KRABD5: variants seen among roughly 807,000 people sequenced by gnomAD.
The protein encoded by KRABD5 is KRAB domain containing 5, also known as KRAB domain-containing protein 5.
At chr16:31,724,741 A>T in the KRABD5 span, among the ~76,000 whole-genome samples, 2 of 152,130 alleles carry the variant, frequency 1.3e-5, no homozygotes, top group Non-Finnish European at 2.9e-5. Context: ...GCAAATCTCA[A>T]GTATATATGA....
chr16:31,724,891 A>G, the KRABD5 span, among the ~76,000 whole-genome samples: 1 of 152,084 alleles, frequency 6.6e-6, no homozygotes, highest in African/African-American at 2.4e-5. Flanking sequence ...CTTTACTTCT[A>G]TGAACTCACC....
At chr16:31,726,103 T>C in the KRABD5 span, among the ~76,000 whole-genome samples, 1 of 152,278 alleles carries the variant, frequency 6.6e-6, no homozygotes, top group Non-Finnish European at 1.5e-5. Context: ...CTAAAAGTTA[T>C]CCAGTTTCTG....
the KRABD5 span, among the ~76,000 whole-genome samples, chr16:31,724,162 T>C: frequency 6.6e-6 from 1 of 152,192 alleles, no homozygotes. Flanking sequence ...TGAAGCTTAA[T>C]GAGAATGTGT....
the KRABD5 span, chr16:31,757,840 AGGTAGGTAGG>A: frequency 7.0e-6 from 1 of 143,870 alleles, no homozygotes; most frequent in African/African-American, 2.7e-5. Context: ...GTAGGTAGGT[AGGTAGGTAGG>A]TAGATAGATA....
chr16:31,753,921 G>T, the KRABD5 span: 2 of 1,550,660 alleles, frequency 1.3e-6, no homozygotes, highest in Non-Finnish European at 1.7e-6. Context: ...AGGTCACAAT[G>T]GATATTATGA....
At chr16:31,748,265 A>T in the KRABD5 span, among the ~76,000 whole-genome samples, 21 of 152,122 alleles carry the variant, frequency 1.4e-4, no homozygotes, top group East Asian at 1.9e-4. Flanking sequence ...CCCCATTTCT[A>T]GTTTTTGTCA....
the KRABD5 span, chr16:31,757,850 G>GTAGGTAGA: frequency 3.9e-5 from 4 of 103,244 alleles, no homozygotes; most frequent in East Asian, 4.9e-4. Flanking sequence ...AGGTAGGTAG[G>GTAGGTAGA]TAGATAGATA....
At chr16:31,753,380 T>C in the KRABD5 span, among the ~76,000 whole-genome samples, 1 of 152,214 alleles carries the variant, frequency 6.6e-6, no homozygotes, top group Non-Finnish European at 1.5e-5. Flanking sequence ...AAGGAAGCAA[T>C]GGCCAGTCTT....
chr16:31,713,301 C>A, the KRABD5 span: 3 of 1,286,656 alleles, frequency 2.3e-6, no homozygotes, highest in Non-Finnish European at 3.3e-6. Flanking sequence ...TCACCAGGGG[C>A]TCCCAGTCCT....
the KRABD5 span, among the ~76,000 whole-genome samples, chr16:31,716,465 C>A: frequency 3.3e-5 from 5 of 152,016 alleles, no homozygotes; most frequent in Non-Finnish European, 7.4e-5. Context: ...TCTTGACGTC[C>A]CTGGGCTCAG....
chr16:31,722,508 T>C, the KRABD5 span: 1 of 1,111,830 alleles, frequency 9.0e-7, no homozygotes, highest in Non-Finnish European at 1.3e-6. Context: ...TATTGAATAT[T>C]TCAGGTCACT....
the KRABD5 span, among the ~76,000 whole-genome samples, chr16:31,745,971 G>A: frequency 6.6e-6 from 1 of 151,154 alleles, no homozygotes; most frequent in Non-Finnish European, 1.5e-5. Flanking sequence ...CCATTTGCTT[G>A]GTAAATTTTC....
chr16:31,728,319 T>C, the KRABD5 span, among the ~76,000 whole-genome samples: 1 of 152,178 alleles, frequency 6.6e-6, no homozygotes, highest in African/African-American at 2.4e-5. Flanking sequence ...CTTACTATTT[T>C]CATAATTATG....
chr16:31,740,028 A>G, the KRABD5 span, among the ~76,000 whole-genome samples: 1 of 152,206 alleles, frequency 6.6e-6, no homozygotes, highest in Non-Finnish European at 1.5e-5. Context: ...TAGTTAGTCT[A>G]TAATCTATAG....
the KRABD5 span, chr16:31,759,357 G>A: frequency 6.6e-7 from 1 of 1,513,236 alleles, no homozygotes; most frequent in Non-Finnish European, 8.9e-7. Context: ...TTTATTCCAG[G>A]CAAAATAATC....
the KRABD5 span, among the ~76,000 whole-genome samples, chr16:31,749,211 G>C: frequency 4.0e-4 from 61 of 152,170 alleles, no homozygotes; most frequent in Non-Finnish European, 5.1e-4. Flanking sequence ...GGATGGCCTG[G>C]GTCAGGCCTG....
At chr16:31,722,230 C>G in the KRABD5 span, among the ~76,000 whole-genome samples, 1 of 152,080 alleles carries the variant, frequency 6.6e-6, no homozygotes, top group East Asian at 1.9e-4. Context: ...TGTGCCACCA[C>G]GCCCAGCTAA....
chr16:31,724,379 T>C, the KRABD5 span, among the ~76,000 whole-genome samples: 1 of 152,102 alleles, frequency 6.6e-6, no homozygotes, highest in Non-Finnish European at 1.5e-5. Flanking sequence ...AGGTTTTTTG[T>C]GGAGAGAACA....
At chr16:31,721,448 G>A in the KRABD5 span, among the ~76,000 whole-genome samples, 2 of 149,604 alleles carry the variant, frequency 1.3e-5, no homozygotes, top group Non-Finnish European at 3.0e-5. Context: ...TAGATACTGG[G>A]GTAAAATAAT....
Sources: gnomAD v4.1 joint callset for allele counts (sites outside exome capture counted in the v4.1 genomes callset) on GRCh38, gnomAD v4.1.1 for gene constraint, MANE v1.5 for transcripts, NCBI Gene and HGNC (gene_info 2026-07-23, HGNC 2026-07-21) for gene names.